Variants in CACHD1 observed in about 807,000 individuals in gnomAD.
CACHD1 encodes the protein VWFA and cache domain-containing protein 1.
In CACHD1, 71 loss-of-function variants were observed where a neutral mutation model predicts 138.7. That is an observed-to-expected ratio of 0.51 (90% confidence interval 0.42 to 0.62). CACHD1 has a LOEUF of 0.62. Among genes scored for constraint, CACHD1 ranks in the 20% least tolerant of loss-of-function variants. The probability of loss-of-function intolerance (pLI) is 0.00; values close to 1 mark genes in which losing one functional copy is unlikely to be tolerated. For synonymous variants in CACHD1, 578 were observed against 591.5 expected (o/e 0.98, Z 0.33); for missense variants, 1,389 against 1,625.3 (o/e 0.85, Z 2.50).
chr1:64,605,934 T>G (rs1201641990), intron 4 of CACHD1, among the ~76,000 whole-genome samples: 1 of 152,046 alleles, frequency 6.6e-6, no homozygotes, highest in Non-Finnish European at 1.5e-5. Flanking sequence ...ATTGGGAGAC[T>G]TTACACAGGG....
chr1:64,679,786 G>A, intron 24 of CACHD1, 30 bp downstream of exon 24: 2 of 1,609,758 alleles, frequency 1.2e-6, no homozygotes, highest in Non-Finnish European at 1.7e-6. Flanking sequence ...CACAGGGGAG[G>A]CAGCAGCCAG....
Position 64,486,367 on chromosome 1 carries a change from CAT to C in CACHD1, c.198+15427_198+15428del, listed in dbSNP as rs1475152083. Among the ~76,000 whole-genome samples, 580 of 67,812 alleles carry C rather than the reference CAT, an allele frequency of 8.6e-3. 2 individuals are homozygous for C. The highest frequency in any genetic ancestry group is 0.026 in the South Asian group (48 of 1,830). 44.5% of individuals were successfully genotyped at this position (67,812 alleles called of 152,430 possible). A position where few individuals can be genotyped will look rare whatever the true frequency, so the allele number is the denominator to read the frequency against. ...GAGCGCGCGCACACACACACACACA[CAT>C]ACACACACACACACACACACACATA... On this transcript the variant is annotated intron_variant, in intron 1 of 26. Transcript: ENST00000651257.
At chr1:64,647,156 CAA>C (rs1223775715) in intron 8 of CACHD1, among the ~76,000 whole-genome samples, 2 of 1,584 alleles carry the variant, frequency 1.3e-3, no homozygotes, top group Non-Finnish European at 4.3e-3. Context: ...AAATTTTGTA[CAA>C]AGTTTCAAAA....
Position 64,691,414 on chromosome 1 carries a change from T to G in CACHD1, c.3678T>G (p.Asp1226Glu), listed in dbSNP as rs1204858933. The G allele has an allele frequency of 2.5e-6, 4 of 1,614,012 alleles. No homozygotes were observed. ...CCGGGGTCGATGTGGGAAACCATGATGAGGACTTAGACCTGGATACCCCCC... is the reference window on the plus strand; with the variant it reads ...CCGGGGTCGATGTGGGAAACCATGAGGAGGACTTAGACCTGGATACCCCCC... ...LSAGVDVGNH[D>E]EDLDLDTPPQ... Residue 1226 changes from aspartate to glutamate, a missense_variant, in exon 27 of 27, where the codon GAT becomes GAG. By Grantham distance (45) the Asp-to-Glu change is conservative (BLOSUM62 2). Coordinates refer to ENST00000651257, the MANE Select transcript of CACHD1 (RefSeq NM_020925.4).
intron 20 of CACHD1, 30 bp from the exon 21 acceptor site, chr1:64,675,867 C>A: frequency 7.1e-7 from 1 of 1,415,662 alleles, no homozygotes; most frequent in Non-Finnish European, 9.6e-7. Context: ...CATTGACCTT[C>A]TGCATAGTAA....
intron 2 of CACHD1, among the ~76,000 whole-genome samples, chr1:64,553,398 G>A (rs1041081600): frequency 3.9e-5 from 6 of 152,100 alleles, no homozygotes; most frequent in Non-Finnish European, 5.9e-5. Context: ...TGTTTACCTC[G>A]TATGTTTCCT....
At chr1:64,645,442 C>T (rs771479713) in intron 8 of CACHD1, among the ~76,000 whole-genome samples, 9 of 151,840 alleles carry the variant, frequency 5.9e-5, no homozygotes, top group Non-Finnish European at 8.8e-5. Context: ...ATCGCATGTA[C>T]ACCATAAATA....
chr1:64,659,004 A>C (rs1649354146), intron 13 of CACHD1, 131 bp downstream of exon 13: 1 of 754,650 alleles, frequency 1.3e-6, no homozygotes, highest in Non-Finnish European at 2.0e-6. Context: ...TTGGGGATAC[A>C]AATATGAAAA....
intron 2 of CACHD1, among the ~76,000 whole-genome samples, chr1:64,579,683 A>G (rs1646996659): frequency 6.6e-6 from 1 of 152,120 alleles, no homozygotes; most frequent in Admixed American, 6.6e-5. Context: ...GTATGTTTTA[A>G]AAGAGTTGAT....
chr1:64,663,674 C>T, intron 13 of CACHD1, 21 bp from the exon 14 acceptor site: 1 of 1,613,942 alleles, frequency 6.2e-7, no homozygotes, highest in Non-Finnish European at 8.5e-7. Context: ...CTCAGGCCTG[C>T]TTTGTTTGCT....
At position 64,475,171 on chromosome 1, in the gene CACHD1, C is replaced by CTT. The variant is rs3078373; in HGVS notation, c.198+4247_198+4248dup. Among the ~76,000 whole-genome samples the CTT allele has an allele frequency of 5.0e-3, 619 of 124,258 alleles. 22 individuals are homozygous for CTT. Among genetic ancestry groups the CTT allele is most frequent in the East Asian group, 0.021 (84 of 3,956 alleles). The allele number at this position is 124,258 out of a possible 152,430, so 81.5% of individuals were successfully genotyped here. ...AAACAACAATGCACTAAATTCCTTC[C>CTT]TTTTTTTTTTTTTTTTTTTCTTAAG... On this transcript the variant is annotated intron_variant, in intron 1 of 26. Transcript: ENST00000651257.
In CACHD1 at chr1:64,550,641, A is replaced by T. The variant is rs1318378822; in HGVS notation, c.246A>T (p.Glu82Asp). Residue 82 changes from glutamate (E) to aspartate (D), a missense_variant, in exon 2 of 27, where the codon GAA becomes GAT. Glu to Asp is a conservative substitution (Grantham distance 45, BLOSUM62 2). Around this residue, in one of 5 missense-constraint regions of CACHD1, gnomAD observed 1,000 missense variants for 1,114.7 expected, o/e 0.90. Coordinates refer to ENST00000651257, the MANE Select transcript of CACHD1 (RefSeq NM_020925.4). ...ACACTGAGAAAATCTCAAATGGAGA[A>T]AGTGAAGTACAGCAGGTAAGAGGCA... Reference protein sequence around the residue: ...FVYTEKISNGESEVQQLAKKI... With the variant: ...FVYTEKISNGDSEVQQLAKKI... 5 of 1,610,672 alleles carry T rather than the reference A, an allele frequency of 3.1e-6. No individual in the cohort carries two copies. The highest frequency in any genetic ancestry group is 4.2e-6 in the Non-Finnish European group (5 of 1,177,078).
intron 4 of CACHD1, among the ~76,000 whole-genome samples, chr1:64,620,260 T>C (rs949696651): frequency 6.6e-6 from 1 of 152,162 alleles, no homozygotes; most frequent in Non-Finnish European, 1.5e-5. Context: ...AAACAGTGAA[T>C]ATCTATATAT....
chr1:64,652,958 G>T (rs1413161380), intron 10 of CACHD1, among the ~76,000 whole-genome samples: 1 of 152,130 alleles, frequency 6.6e-6, no homozygotes, highest in African/African-American at 2.4e-5. Flanking sequence ...GTTCATTGCA[G>T]TGCTATTCAC....
intron 4 of CACHD1, among the ~76,000 whole-genome samples, chr1:64,615,786 A>G (rs1429817989): frequency 2.0e-5 from 3 of 152,240 alleles, no homozygotes; most frequent in Non-Finnish European, 2.9e-5. Flanking sequence ...GACACAGACT[A>G]TACAAATGAA....
chr1:64,555,426 T>C (rs1266915431), intron 2 of CACHD1, among the ~76,000 whole-genome samples: 1 of 152,202 alleles, frequency 6.6e-6, no homozygotes, highest in East Asian at 1.9e-4. Flanking sequence ...TTTTTGTTTG[T>C]TTGTTTGTTT....
intron 1 of CACHD1, among the ~76,000 whole-genome samples, chr1:64,518,288 GA>G (rs1226911303): frequency 1.4e-5 from 1 of 71,354 alleles, no homozygotes; most frequent in East Asian, 5.4e-4. Context: ...GAAAATCAAT[GA>G]CTTTTTTTTT....
rs773647325 is a variant in CACHD1, at chr1:64,658,741, A to G, written c.1819A>G (p.Ile607Val). ...DTSFILCIVV[I>V]QPEIPVKQLK... ...TTCCTTTATTCTGTGTATTGTGGTG[A>G]TACAACCAGAAATACCTGTGAAACA... The change falls in exon 13 of 27, where the codon ATA (isoleucine) becomes GTA (valine). Residue 607 changes from isoleucine to valine, a missense_variant. Ile to Val is a conservative substitution (Grantham distance 29, BLOSUM62 3). Around this residue, in one of 5 missense-constraint regions of CACHD1, gnomAD observed 1,000 missense variants for 1,114.7 expected, o/e 0.90. Coordinates refer to ENST00000651257, the MANE Select transcript of CACHD1 (RefSeq NM_020925.4). 3.7e-6 allele frequency: 6 copies of G among 1,611,998 alleles called. No homozygotes were observed. The highest frequency in any genetic ancestry group is 3.3e-5 in the Admixed American group (2 of 59,830).
intron 1 of CACHD1, among the ~76,000 whole-genome samples, chr1:64,495,028 G>A (rs2100306930): frequency 6.6e-6 from 1 of 152,124 alleles, no homozygotes. Context: ...GGGGGGCTCT[G>A]GAGAATATGG....
Sources: allele counts gnomAD v4.1 joint callset (sites outside exome capture counted in the v4.1 genomes callset), GRCh38; gene constraint gnomAD v4.1.1; regional missense constraint gnomAD v4.1.1; transcripts MANE v1.5; gene names NCBI Gene and HGNC (gene_info 2026-07-23, HGNC 2026-07-21).